NAALADL2: variants seen among roughly 807,000 people sequenced by gnomAD.
NAALADL2 encodes the protein N-acetylated alpha-linked acidic dipeptidase like 2, also known as inactive N-acetylated-alpha-linked acidic dipeptidase-like protein 2.
In NAALADL2, 76 loss-of-function variants were observed where a neutral mutation model predicts 87.2. The ratio of observed to expected loss-of-function variants is 0.87; its 90% CI spans 0.72 to 1.05. The LOEUF is 1.05. Ranked by LOEUF, NAALADL2 falls within the 50% of genes least tolerant of loss-of-function variation. NAALADL2 has a pLI of 0.00. For missense variants in NAALADL2, 1,089 were observed against 945.8 expected (o/e 1.15, Z -1.99); for synonymous variants, 354 against 331.0 (o/e 1.07, Z -0.75).
chr3:175,032,535 CA>C (rs917698313), intron 1 of NAALADL2, among the ~76,000 whole-genome samples: 2 of 151,990 alleles, frequency 1.3e-5, no homozygotes, highest in African/African-American at 4.8e-5. Flanking sequence ...ACTTGTACCA[CA>C]ATAACAAATA....
At chr3:175,711,282 C>A (rs1561016772) in intron 11 of NAALADL2, among the ~76,000 whole-genome samples, 1 of 151,752 alleles carries the variant, frequency 6.6e-6, no homozygotes, top group Non-Finnish European at 1.5e-5. Context: ...AATGCAATCT[C>A]TTTTACAGGT....
At chr3:175,802,507 G>A (rs1383046860) in intron 13 of NAALADL2, among the ~76,000 whole-genome samples, 1 of 148,154 alleles carries the variant, frequency 6.7e-6, no homozygotes, top group African/African-American at 2.6e-5. Flanking sequence ...CCAGAATAGT[G>A]AGAGGGCAAC....
At chr3:174,957,336 G>A (rs894685381) in intron 1 of NAALADL2, among the ~76,000 whole-genome samples, 1 of 151,954 alleles carries the variant, frequency 6.6e-6, no homozygotes, top group African/African-American at 2.4e-5. Context: ...AACAAATCAA[G>A]CCCCTCTTCC....
intron 9 of NAALADL2, among the ~76,000 whole-genome samples, chr3:175,537,753 A>G (rs529490685): frequency 6.6e-6 from 1 of 152,332 alleles, no homozygotes; most frequent in South Asian, 2.1e-4. Flanking sequence ...GTTAGCAAAG[A>G]TCATCAAAGT....
At chr3:175,004,539 A>T (rs961905078) in intron 1 of NAALADL2, among the ~76,000 whole-genome samples, 4 of 151,704 alleles carry the variant, frequency 2.6e-5, no homozygotes, top group African/African-American at 9.7e-5. Flanking sequence ...ATTTTTTCTT[A>T]TTTTTTATTG....
intron 2 of NAALADL2, among the ~76,000 whole-genome samples, chr3:175,103,330 C>T (rs1472110712): frequency 6.6e-6 from 1 of 152,070 alleles, no homozygotes; most frequent in African/African-American, 2.4e-5. Flanking sequence ...TCCTCTTCCT[C>T]CTCCATTACT....
At chr3:175,219,868 CTTTT>C (rs201278819) in intron 2 of NAALADL2, among the ~76,000 whole-genome samples, 1 of 116,462 alleles carries the variant, frequency 8.6e-6, no homozygotes, top group African/African-American at 4.2e-5. Flanking sequence ...GGTTTTCTTT[CTTTT>C]TTTTTTTTTT....
chr3:174,677,629 T>C (rs1727158216), intron 2 of NAALADL2, among the ~76,000 whole-genome samples: 1 of 152,144 alleles, frequency 6.6e-6, no homozygotes, highest in Non-Finnish European at 1.5e-5. Context: ...ACAACATTTT[T>C]ATATATCAGT....
At chr3:175,358,255 TTTC>T (rs1764601868) in intron 5 of NAALADL2, among the ~76,000 whole-genome samples, 1 of 152,162 alleles carries the variant, frequency 6.6e-6, no homozygotes, top group Non-Finnish European at 1.5e-5. Flanking sequence ...ATGCAATCAT[TTTC>T]TTCTTATTTA....
intron 2 of NAALADL2, among the ~76,000 whole-genome samples, chr3:174,660,678 T>C (rs957748376): frequency 6.6e-6 from 1 of 152,158 alleles, no homozygotes; most frequent in Non-Finnish European, 1.5e-5. Context: ...TTATCTTAAA[T>C]GAATAGTAAT....
intron 3 of NAALADL2, among the ~76,000 whole-genome samples, chr3:174,813,861 A>C (rs1429504264): frequency 6.6e-6 from 1 of 152,068 alleles, no homozygotes. Flanking sequence ...AAGAAATAAT[A>C]AATATTTAAG....
chr3:175,463,298 G>A (rs191418789), intron 6 of NAALADL2, 103 bp from the exon 7 acceptor site: 59 of 668,606 alleles, frequency 8.8e-5, no homozygotes, highest in Non-Finnish European at 1.3e-4. Context: ...ATTCAATTCT[G>A]TGGAATTCTT....
chr3:175,153,777 T>C (rs1731904450), intron 2 of NAALADL2, among the ~76,000 whole-genome samples: 1 of 152,162 alleles, frequency 6.6e-6, no homozygotes, highest in Non-Finnish European at 1.5e-5. Flanking sequence ...GCATGTAGAT[T>C]ACTGAAATAG....
At chr3:175,144,960 C>T (rs905285847) in intron 2 of NAALADL2, among the ~76,000 whole-genome samples, 3 of 151,862 alleles carry the variant, frequency 2.0e-5, no homozygotes, top group African/African-American at 7.2e-5. Flanking sequence ...GGTAACAAGT[C>T]TTTTTTCTTT....
intron 1 of NAALADL2, among the ~76,000 whole-genome samples, chr3:175,092,591 A>T (rs1321039575): frequency 6.6e-6 from 1 of 151,822 alleles, no homozygotes; most frequent in Non-Finnish European, 1.5e-5. Flanking sequence ...CATATAATTT[A>T]CTTTGTTTAA....
intron 11 of NAALADL2, among the ~76,000 whole-genome samples, chr3:175,706,995 A>G (rs577712126): frequency 6.6e-6 from 1 of 152,314 alleles, no homozygotes; most frequent in African/African-American, 2.4e-5. Flanking sequence ...TACTTAGAAT[A>G]AAAACAAAAA....
intron 3 of NAALADL2, among the ~76,000 whole-genome samples, chr3:174,806,612 A>G (rs1016283734): frequency 1.3e-5 from 2 of 152,330 alleles, no homozygotes; most frequent in African/African-American, 4.8e-5. Flanking sequence ...TACAGACAGC[A>G]AAACAGAGAT....
At chr3:175,779,232 A>G (rs1489635600) in intron 13 of NAALADL2, among the ~76,000 whole-genome samples, 2 of 152,104 alleles carry the variant, frequency 1.3e-5, no homozygotes, top group Non-Finnish European at 2.9e-5. Flanking sequence ...AAGGAAGTTC[A>G]GAGTGCACTT....
intron 1 of NAALADL2, among the ~76,000 whole-genome samples, chr3:175,045,952 A>T (rs1754615170): frequency 6.6e-6 from 1 of 152,066 alleles, no homozygotes; most frequent in Admixed American, 6.6e-5. Context: ...TTCATAAGAC[A>T]TTCAGAGATA....
Sources: gnomAD v4.1 joint callset for allele counts (sites outside exome capture counted in the v4.1 genomes callset) on GRCh38, gnomAD v4.1.1 for gene constraint, MANE v1.5 for transcripts, NCBI Gene and HGNC (gene_info 2026-07-23, HGNC 2026-07-21) for gene names.